The following TMTC2 variants were observed in gnomAD, a reference collection of about 807,000 sequenced individuals.
The protein encoded by TMTC2 is transmembrane O-mannosyltransferase targeting cadherins 2.
In TMTC2, 43 loss-of-function variants were observed where a neutral mutation model predicts 82.4. The observed-to-expected ratio is 0.52, with a 90% CI of 0.41 to 0.67. TMTC2 has a LOEUF of 0.67. Among genes scored for constraint, TMTC2 ranks in the 30% least tolerant of loss-of-function variants. The probability of loss-of-function intolerance (pLI) is 0.00; values close to 1 mark genes in which losing one functional copy is unlikely to be tolerated. For missense variants in TMTC2, 919 were observed against 1,012.4 expected (o/e 0.91, Z 1.25); for synonymous variants, 408 against 381.9 (o/e 1.07, Z -0.80).
chr12:82,698,169 C>G (rs1359592100), intron 1 of TMTC2, among the ~76,000 whole-genome samples: 2 of 151,948 alleles, frequency 1.3e-5, no homozygotes, highest in Admixed American at 6.5e-5. Flanking sequence ...TAATAAAAAC[C>G]TTTTTAAGGA....
chr12:82,819,207 A>C (rs756433570), intron 1 of TMTC2, among the ~76,000 whole-genome samples: 3 of 152,080 alleles, frequency 2.0e-5, no homozygotes, highest in Non-Finnish European at 4.4e-5. Flanking sequence ...GGCTACTATT[A>C]GGACACAATT....
At chr12:83,111,505 T>G (rs1392558994) in intron 11 of TMTC2, among the ~76,000 whole-genome samples, 1 of 152,204 alleles carries the variant, frequency 6.6e-6, no homozygotes, top group Non-Finnish European at 1.5e-5. Context: ...GGGTTTTCAC[T>G]CAAAAGGGTC....
chr12:82,861,186 G>A (rs1048642591), intron 2 of TMTC2, among the ~76,000 whole-genome samples: 1 of 152,192 alleles, frequency 6.6e-6, no homozygotes, highest in Non-Finnish European at 1.5e-5. Context: ...AACAAGCTAA[G>A]TAATGAAAAC....
At chr12:82,762,855 A>C (rs998028241) in intron 1 of TMTC2, among the ~76,000 whole-genome samples, 1 of 152,130 alleles carries the variant, frequency 6.6e-6, no homozygotes, top group Admixed American at 6.5e-5. Context: ...TATTAGTGGA[A>C]CAAAAAAAAG....
intron 8 of TMTC2, among the ~76,000 whole-genome samples, chr12:82,990,908 A>G (rs1028521987): frequency 9.2e-5 from 14 of 152,164 alleles, no homozygotes; most frequent in Admixed American, 3.9e-4. Flanking sequence ...TTTAATCCTC[A>G]GTGATCTGTG....
In TMTC2 at chr12:82,763,945, T is replaced by C. The variant is rs558340746; in HGVS notation, c.83+76276T>C. Among the ~76,000 whole-genome samples the C allele has an allele frequency of 4.6e-5, 7 of 152,296 alleles. No homozygotes were observed. In the East Asian group the frequency reaches 1.3e-3, roughly 29 times the overall value. On this transcript the variant is annotated intron_variant, in intron 1 of 11. Coordinates refer to ENST00000321196, the MANE Select transcript of TMTC2 (RefSeq NM_152588.3). Reference sequence around the variant, plus strand: ...GAAAACCACAGCCCAATCTCACTCATGAATACAGGTACAAAAATAAACTAC... The same window carrying C: ...GAAAACCACAGCCCAATCTCACTCACGAATACAGGTACAAAAATAAACTAC...
chr12:82,813,895 CTT>C (rs890698950), intron 1 of TMTC2, among the ~76,000 whole-genome samples: 3 of 152,048 alleles, frequency 2.0e-5, no homozygotes, highest in Non-Finnish European at 2.9e-5. Context: ...TAGTACCAAA[CTT>C]TTAAATTTCC....
At position 82,807,163 on chromosome 12, in the gene TMTC2, T is replaced by C. The variant is rs988451913; in HGVS notation, c.84-49847T>C. 5.4e-4 allele frequency among the ~76,000 whole-genome samples: 82 copies of C among 152,170 alleles called. 5 individuals are homozygous for C. Among genetic ancestry groups the C allele is most frequent in the South Asian group, 2.1e-4 (1 of 4,836 alleles). On this transcript the variant is annotated intron_variant, in intron 1 of 11. Coordinates refer to ENST00000321196, the MANE Select transcript of TMTC2 (RefSeq NM_152588.3). Reference sequence around the variant, plus strand: ...ATGACTTTTAAACCTATGAAACATATATAAGGAAGTGATTGTGTTCATTGT... The same window carrying C: ...ATGACTTTTAAACCTATGAAACATACATAAGGAAGTGATTGTGTTCATTGT...
chr12:82,777,033 A>T (rs1206578764), intron 1 of TMTC2, among the ~76,000 whole-genome samples: 1 of 152,210 alleles, frequency 6.6e-6, no homozygotes, highest in Non-Finnish European at 1.5e-5. Context: ...TGTTTGTCTG[A>T]GTTGCACAGC....
rs141776352 is a variant in TMTC2, at chr12:82,874,076, C to T, written c.654+16496C>T. Among the ~76,000 whole-genome samples the T allele has an allele frequency of 5.0e-3, 759 of 152,274 alleles. 6 individuals are homozygous for T. Among genetic ancestry groups the T allele is most frequent in the African/African-American group, 0.018 (733 of 41,548 alleles). ...AGATTTATATAAAAGTTGTTTGAAC[C>T]TGCACCTTTGCGTCCAGCTGGTAGC... On this transcript the variant is annotated intron_variant, in intron 2 of 11. Coordinates refer to ENST00000321196, the MANE Select transcript of TMTC2 (RefSeq NM_152588.3).
chr12:82,889,924 AG>A (rs1460616692), intron 2 of TMTC2, among the ~76,000 whole-genome samples: 2 of 151,924 alleles, frequency 1.3e-5, no homozygotes. Context: ...AACAATGCTA[AG>A]TATCCTTGTA....
At chr12:82,748,927 T>C (rs1875832742) in intron 1 of TMTC2, among the ~76,000 whole-genome samples, 1 of 152,204 alleles carries the variant, frequency 6.6e-6, no homozygotes, top group African/African-American at 2.4e-5. Context: ...TATATATGTA[T>C]GTGTATCTCT....
intron 2 of TMTC2, among the ~76,000 whole-genome samples, chr12:82,863,863 G>A (rs756615967): frequency 6.6e-5 from 10 of 152,134 alleles, no homozygotes; most frequent in Non-Finnish European, 1.5e-4. Context: ...CGAGAATAGT[G>A]CATGTAAATA....
intron 2 of TMTC2, among the ~76,000 whole-genome samples, chr12:82,861,895 T>G (rs988276369): frequency 1.3e-5 from 2 of 152,224 alleles, no homozygotes; most frequent in African/African-American, 4.8e-5. Context: ...ATCTGGCTTA[T>G]AGTAGGAACT....
chr12:82,903,442 C>T (rs1456217512), intron 3 of TMTC2, among the ~76,000 whole-genome samples: 3 of 149,754 alleles, frequency 2.0e-5, no homozygotes, highest in South Asian at 2.1e-4. Flanking sequence ...GACAGAGTCT[C>T]GCTCTGTCGC....
chr12:83,075,670 A>G (rs1006031737), intron 11 of TMTC2, among the ~76,000 whole-genome samples: 1 of 152,190 alleles, frequency 6.6e-6, no homozygotes, highest in Non-Finnish European at 1.5e-5. Flanking sequence ...ATTTTTTGCC[A>G]TGTCAGTAGA....
At chr12:82,926,337 C>G (rs12822640) in intron 3 of TMTC2, among the ~76,000 whole-genome samples, 8,377 of 152,232 alleles carry the variant, frequency 0.055, 322 homozygotes, top group Non-Finnish European at 0.082. Flanking sequence ...TTCCATTAGG[C>G]CAAAACCTAA....
intron 1 of TMTC2, among the ~76,000 whole-genome samples, chr12:82,833,984 T>C (rs899852875): frequency 7.2e-5 from 11 of 152,210 alleles, no homozygotes; most frequent in Non-Finnish European, 1.5e-4. Context: ...TTGTGGACTT[T>C]GGTAATTAAG....
chr12:82,966,975 A>G lies in TMTC2; in HGVS notation c.1926A>G (p.Pro642=). Residue 642 remains proline, a synonymous_variant, in exon 7 of 12, where the codon CCA becomes CCG. Transcript: ENST00000321196. ...AIQKMPRQFA[P]QSLYNMMGEA... ...AGAAAATGCCAAGGCAGTTTGCCCC[A>G]CAGAGCTTGTACAACATGATGGGTA... is the stretch of plus-strand genomic sequence containing the variant. 1 of 1,613,288 alleles carries G rather than the reference A, an allele frequency of 6.2e-7. No individual in the cohort carries two copies. The highest frequency in any genetic ancestry group is 8.5e-7 in the Non-Finnish European group (1 of 1,179,396).
Sources: allele counts gnomAD v4.1 joint callset (sites outside exome capture counted in the v4.1 genomes callset), GRCh38; gene constraint gnomAD v4.1.1; transcripts MANE v1.5; gene names NCBI Gene and HGNC (gene_info 2026-07-23, HGNC 2026-07-21).